Variants in RPS6KA2 observed in about 807,000 individuals in gnomAD.
The protein encoded by RPS6KA2 is ribosomal protein S6 kinase alpha-2.
A neutral mutation model predicts 91.8 loss-of-function variants in RPS6KA2; 42 were observed. The observed-to-expected ratio is 0.46, with a 90% confidence interval of 0.36 to 0.59. The LOEUF is 0.59. Among genes scored for constraint, RPS6KA2 ranks in the 20% least tolerant of loss-of-function variants. RPS6KA2 has a pLI of 0.00. For missense variants in RPS6KA2, 798 were observed against 978.5 expected (o/e 0.82, Z 2.46); for synonymous variants, 414 against 393.6 (o/e 1.05, Z -0.61).
At chr6:166,457,283 A>T (rs1780135194) in intron 12 of RPS6KA2, among the ~76,000 whole-genome samples, 1 of 152,200 alleles carries the variant, frequency 6.6e-6, no homozygotes, top group Admixed American at 6.5e-5. Flanking sequence ...TGCTTGGGTG[A>T]CCTGTGGGCA....
Position 166,459,627 on chromosome 6 carries a change from C to A in RPS6KA2, c.973-76G>T, listed in dbSNP as rs1265451644. 3.9e-6 allele frequency: 4 copies of A among 1,028,384 alleles called. No individual in the cohort carries two copies. In the East Asian group the frequency reaches 7.5e-5, roughly 19 times the overall value. 63.7% of individuals were successfully genotyped at this position (1,028,384 alleles called of 1,614,324 possible). On this transcript the variant is annotated intron_variant, in intron 11 of 20. Coordinates refer to ENST00000265678, the MANE Select transcript of RPS6KA2 (RefSeq NM_021135.6). The surrounding 1 kb of genome is among the most constrained non-coding windows in gnomAD (Gnocchi z 4.9). ...CCACAGAACACTGGGGACAGAGAAA[C>A]CTGCTGTGGGGAGGGAAGGATGTTC...
chr6:166,436,844 C>T (rs566183087), intron 14 of RPS6KA2, among the ~76,000 whole-genome samples: 131 of 152,226 alleles, frequency 8.6e-4, no homozygotes, highest in African/African-American at 2.7e-3. Context: ...GGAAGGGAGT[C>T]GTGGCGGGAA....
chr6:166,483,275 G>A (rs1240661430), intron 10 of RPS6KA2, among the ~76,000 whole-genome samples: 1 of 152,186 alleles, frequency 6.6e-6, no homozygotes, highest in Non-Finnish European at 1.5e-5. Flanking sequence ...CAGGGCCCAT[G>A]GCTGTGCAGC....
intron 2 of RPS6KA2, among the ~76,000 whole-genome samples, chr6:166,804,890 T>C (rs1211902768): frequency 6.6e-6 from 1 of 152,192 alleles, no homozygotes; most frequent in African/African-American, 2.4e-5. Flanking sequence ...GAAAAAGGAA[T>C]TAATAGAGGC....
At chr6:166,474,640 T>C (rs1583181403) in intron 10 of RPS6KA2, among the ~76,000 whole-genome samples, 2 of 151,096 alleles carry the variant, frequency 1.3e-5, no homozygotes, top group East Asian at 3.9e-4. Context: ...AGATAACAAA[T>C]AACAAACACT....
At chr6:166,531,020 C>G (rs955057817) in intron 3 of RPS6KA2, among the ~76,000 whole-genome samples, 3 of 152,220 alleles carry the variant, frequency 2.0e-5, no homozygotes, top group African/African-American at 7.2e-5. Flanking sequence ...CGCAATACAG[C>G]TCTTCTCTGA....
rs1475293850 is a variant in RPS6KA2 at position 166,849,067 on chromosome 6, C to A, written c.123+9133G>T. Reference sequence around the variant, plus strand: ...GACATCACACTCTTCTCTCCACATGCATCTCAGGCCAGCCTGGGCAGCCCC... The same window carrying A: ...GACATCACACTCTTCTCTCCACATGAATCTCAGGCCAGCCTGGGCAGCCCC... On this transcript the variant is annotated intron_variant, in intron 2 of 21. Transcript: ENST00000503859. This position sits in a 1 kb window ranked among gnomAD's most constrained non-coding sequence, Gnocchi z 4.9. Among the ~76,000 whole-genome samples, 1 of 152,136 alleles carries A rather than the reference C, an allele frequency of 6.6e-6. No individual in the cohort carries two copies. The highest frequency in any genetic ancestry group is 1.5e-5 in the Non-Finnish European group (1 of 68,020).
Position 166,702,427 on chromosome 6 carries a change from TTGTC to T in RPS6KA2, c.123+155769_123+155772del, listed in dbSNP as rs1789552889. 5 of 21,852 alleles carry T rather than the reference TTGTC, an allele frequency of 2.3e-4. No individual in the cohort carries two copies. The Admixed American group carries it at 9.6e-3, about 42-fold the overall frequency. The allele number at this position is 21,852 out of a possible 1,614,324, so 1.4% of individuals were successfully genotyped here. A position where few individuals can be genotyped will look rare whatever the true frequency, so the allele number is the denominator to read the frequency against. ...GAAATCCATTCAGTTTGTCTAGTGC[TTGTC>T]TAGCGCTTGTCTAGCTTGGTCCTTA... On this transcript the variant is annotated intron_variant, in intron 2 of 21. Transcript: ENST00000503859.
At position 166,515,826 on chromosome 6, in the gene RPS6KA2, C is replaced by T. The variant is rs148320403; in HGVS notation, c.299-5469G>A. On this transcript the variant is annotated intron_variant, in intron 3 of 20. Transcript: ENST00000265678. ...CCTCCCATTCTATTCAAAGTCACCC[C>T]TCTGCTCACTGAGATAAATGCAGAT... 5.3e-4 allele frequency among the ~76,000 whole-genome samples: 81 copies of T among 152,322 alleles called. 5 individuals carry two copies. In the East Asian group the frequency reaches 0.015, roughly 28 times the overall value.
At chr6:166,667,378 AT>A (rs1363969184) in intron 2 of RPS6KA2, among the ~76,000 whole-genome samples, 1 of 152,248 alleles carries the variant, frequency 6.6e-6, no homozygotes, top group African/African-American at 2.4e-5. Context: ...ATTCTATAGC[AT>A]TTTAAACTAC....
intron 1 of RPS6KA2, among the ~76,000 whole-genome samples, chr6:166,619,312 G>A (rs941356406): frequency 3.3e-5 from 5 of 152,252 alleles, no homozygotes; most frequent in African/African-American, 1.2e-4. Context: ...CTGAAGTGAT[G>A]AGAAACCAAG....
At chr6:166,454,497 C>CAAAAAAACCA (rs142179249) in intron 12 of RPS6KA2, among the ~76,000 whole-genome samples, 6,563 of 151,970 alleles carry the variant, frequency 0.043, 459 homozygotes, top group African/African-American at 0.15. Context: ...GACTCTGTCT[C>CAAAAAAACCA]AAACAAAACA....
At chr6:166,443,071 TA>T (rs1431885826) in intron 14 of RPS6KA2, among the ~76,000 whole-genome samples, 2 of 152,228 alleles carry the variant, frequency 1.3e-5, no homozygotes, top group Non-Finnish European at 2.9e-5. Context: ...TTATATACTG[TA>T]TTAAGAATAA....
chr6:166,570,622 G>A (rs1398936209), intron 1 of RPS6KA2, among the ~76,000 whole-genome samples: 1 of 152,148 alleles, frequency 6.6e-6, no homozygotes, highest in African/African-American at 2.4e-5. Flanking sequence ...AAATACAGCA[G>A]ATCTAATAAT....
At chr6:166,754,071 G>A (rs1016250403) in intron 2 of RPS6KA2, among the ~76,000 whole-genome samples, 12 of 152,314 alleles carry the variant, frequency 7.9e-5, no homozygotes, top group African/African-American at 2.9e-4. Context: ...GAGGCCCGAG[G>A]TGCATGCAGT....
chr6:166,416,446 C>T (rs1778527281), intron 19 of RPS6KA2, among the ~76,000 whole-genome samples: 1 of 151,918 alleles, frequency 6.6e-6, no homozygotes. Flanking sequence ...ACAATCACTA[C>T]CATCATCTCT....
At chr6:166,609,504 TA>T (rs1462008829) in intron 1 of RPS6KA2, among the ~76,000 whole-genome samples, 2 of 142,382 alleles carry the variant, frequency 1.4e-5, no homozygotes, top group Non-Finnish European at 1.5e-5. Flanking sequence ...ATCAAAAGTT[TA>T]ATTTTTTTTT....
intron 14 of RPS6KA2, among the ~76,000 whole-genome samples, chr6:166,441,320 T>C (rs550207922): frequency 6.6e-6 from 1 of 152,378 alleles, no homozygotes; most frequent in East Asian, 1.9e-4. Flanking sequence ...ATGGTTCATG[T>C]TGCTCCTTCA....
rs1356009001 is a variant in RPS6KA2 at position 166,433,939 on chromosome 6, T to C, written c.1333-1449A>G. Among the ~76,000 whole-genome samples, 1 of 151,958 alleles carries C rather than the reference T, an allele frequency of 6.6e-6. No homozygotes were observed. Among genetic ancestry groups the C allele is most frequent in the Non-Finnish European group, 1.5e-5 (1 of 68,000 alleles). On this transcript the variant is annotated intron_variant, in intron 14 of 20. Transcript: ENST00000265678. This position sits in a 1 kb window ranked among gnomAD's most constrained non-coding sequence, Gnocchi z 4.4. ...ACTCAGCTAATTTTTAAATTCTTTG[T>C]AGAGATGATGGGGTCTTGCTGTGTT... is the stretch of plus-strand genomic sequence containing the variant.
Sources: gnomAD v4.1 joint callset for allele counts (sites outside exome capture counted in the v4.1 genomes callset) on GRCh38, gnomAD v4.1.1 for gene constraint, Gnocchi (gnomAD v3.1) non-coding constraint, MANE v1.5 for transcripts, NCBI Gene and HGNC (gene_info 2026-07-23, HGNC 2026-07-21) for gene names.